PDZD2: variants seen among roughly 807,000 people sequenced by gnomAD.
PDZD2 encodes PDZ domain-containing protein 2.
PDZD2 carries 90 observed loss-of-function variants against 220.7 expected under a neutral mutation model. That is an observed-to-expected ratio of 0.41 (90% CI 0.34 to 0.49). PDZD2 has a LOEUF of 0.49. PDZD2 is among the 20% of genes least tolerant of loss of function. PDZD2 has a pLI of 0.28. For missense variants in PDZD2, 3,174 were observed against 3,608.5 expected, an observed-to-expected ratio of 0.88 and a Z score of 3.08; for synonymous variants, 1,375 against 1,450.5, an observed-to-expected ratio of 0.95 and a Z score of 1.18.
At chr5:31,858,355 A>T (rs542480323) in intron 2 of PDZD2, among the ~76,000 whole-genome samples, 32 of 152,280 alleles carry the variant, frequency 2.1e-4, no homozygotes, top group African/African-American at 6.7e-4. Flanking sequence ...TGACTCTCGA[A>T]TTTTCTTACT....
At chr5:31,896,323 CGTGTGTGTGTGTGTGTGTGT>C (rs35229609) in intron 2 of PDZD2, among the ~76,000 whole-genome samples, 3 of 136,354 alleles carry the variant, frequency 2.2e-5, no homozygotes, top group South Asian at 2.6e-4. Flanking sequence ...TTGATACTCT[CGTGTGTGTGTGTGTGTGTGT>C]GTGTGTGTGT....
Position 32,041,146 on chromosome 5 carries a change from CGCCTCTGCCCGGCCGCCCCGTCTGGG to C in PDZD2, c.1519+3805_1519+3830del, listed in dbSNP as rs1561426714. Among the ~76,000 whole-genome samples, 88 of 144,570 alleles carry C rather than the reference CGCCTCTGCCCGGCCGCCCCGTCTGGG, an allele frequency of 6.1e-4. 4 individuals carry two copies. The highest frequency in any genetic ancestry group is 9.0e-4 in the South Asian group (4 of 4,458). The allele number at this position is 144,570 out of a possible 152,430, so 94.8% of individuals were successfully genotyped here. A position where few individuals can be genotyped will look rare whatever the true frequency, so the allele number is the denominator to read the frequency against. ...GCCGCCCCGTCTGGGAAGTGGGGAGCGCCTCTGCCCGGCCGCCCCGTCTGGGAAGTGGGGAGCGCCTCTGCCCGGCC... is the reference window on the plus strand; with the variant it reads ...GCCGCCCCGTCTGGGAAGTGGGGAGCAAGTGGGGAGCGCCTCTGCCCGGCC... On this transcript the variant is annotated intron_variant, in intron 7 of 24. Transcript: ENST00000438447.
At chr5:32,093,426 A>G (rs1295165763) in intron 21 of PDZD2, among the ~76,000 whole-genome samples, 3 of 152,166 alleles carry the variant, frequency 2.0e-5, no homozygotes, top group Admixed American at 2.0e-4. Flanking sequence ...GAAGAGTTAC[A>G]TTGGTGTAGT....
In PDZD2 at chr5:32,037,196, G is replaced by A. The variant is rs759802927; in HGVS notation, c.1408-35G>A. 23 of 1,348,914 alleles carry A rather than the reference G, an allele frequency of 1.7e-5. No homozygotes were observed. In the South Asian group the frequency reaches 2.3e-4, roughly 14 times the overall value. 83.6% of individuals were successfully genotyped at this position (1,348,914 alleles called of 1,614,324 possible). On this transcript the variant is annotated intron_variant, in intron 6 of 24. Coordinates refer to ENST00000438447, the MANE Select transcript of PDZD2 (RefSeq NM_178140.4). ...ACAGCATAAGTCATCGCAGGGCTGG[G>A]CTCTCCCATCAGCTCTGTGCTTTCT...
chr5:32,096,611 G>A (rs971833868), intron 21 of PDZD2, among the ~76,000 whole-genome samples: 9 of 152,112 alleles, frequency 5.9e-5, no homozygotes, highest in African/African-American at 9.7e-5. Flanking sequence ...GAGCCACTGC[G>A]CCTAGCCATG....
At chr5:32,096,211 C>G (rs1209314473) in intron 21 of PDZD2, among the ~76,000 whole-genome samples, 1 of 152,188 alleles carries the variant, frequency 6.6e-6, no homozygotes, top group Non-Finnish European at 1.5e-5. Flanking sequence ...ACCTCTTTCT[C>G]CCCATCAATC....
chr5:32,081,506 G>A (rs1485998674), intron 19 of PDZD2, among the ~76,000 whole-genome samples: 1 of 152,198 alleles, frequency 6.6e-6, no homozygotes, highest in Non-Finnish European at 1.5e-5. Context: ...CTTTTGGGGT[G>A]TATCTGAAAT....
At chr5:31,887,390 C>T (rs886405022) in intron 2 of PDZD2, among the ~76,000 whole-genome samples, 4 of 152,122 alleles carry the variant, frequency 2.6e-5, no homozygotes, top group African/African-American at 9.7e-5. Flanking sequence ...TCTGGAAGGA[C>T]TTTGGGTGTC....
chr5:31,787,245 A>G (rs990734721), intron 1 of PDZD2, among the ~76,000 whole-genome samples: 4 of 152,238 alleles, frequency 2.6e-5, no homozygotes, highest in Admixed American at 1.3e-4. Flanking sequence ...CATTGTACAA[A>G]TATGCACATT....
intron 1 of PDZD2, among the ~76,000 whole-genome samples, chr5:31,789,634 A>G (rs932548540): frequency 1.3e-5 from 2 of 152,244 alleles, no homozygotes; most frequent in African/African-American, 4.8e-5. Flanking sequence ...AATAAGTACA[A>G]TAAAAACTTC....
At chr5:31,973,669 ATATC>A (rs72431416) in intron 2 of PDZD2, among the ~76,000 whole-genome samples, 1,746 of 152,308 alleles carry the variant, frequency 0.011, 28 homozygotes, top group African/African-American at 0.039. Flanking sequence ...ATAGAGTAAA[ATATC>A]TATCTCTTTC....
intron 2 of PDZD2, among the ~76,000 whole-genome samples, chr5:31,943,025 A>G (rs1489188898): frequency 6.6e-6 from 1 of 152,196 alleles, no homozygotes; most frequent in Non-Finnish European, 1.5e-5. Flanking sequence ...CAACATGGTG[A>G]AATCCCGTCT....
chr5:31,658,495 A>G (rs1745636937), intron 1 of PDZD2, among the ~76,000 whole-genome samples: 1 of 152,126 alleles, frequency 6.6e-6, no homozygotes, highest in Non-Finnish European at 1.5e-5. Context: ...TTCTGCCGTT[A>G]ACCTCTCTGT....
chr5:31,764,799 G>C (rs909128166), intron 1 of PDZD2, among the ~76,000 whole-genome samples: 1 of 152,162 alleles, frequency 6.6e-6, no homozygotes, highest in Non-Finnish European at 1.5e-5. Flanking sequence ...CAAAGGGGCC[G>C]GGCACAGTGG....
chr5:31,787,568 T>C (rs1399185162), intron 1 of PDZD2: 1 of 152,208 alleles, frequency 6.6e-6, no homozygotes, highest in Non-Finnish European at 1.5e-5. Context: ...TAATAGAGTC[T>C]CAAAATAGCT....
chr5:31,662,230 G>A (rs561435476), intron 1 of PDZD2, among the ~76,000 whole-genome samples: 57 of 152,266 alleles, frequency 3.7e-4, no homozygotes, highest in African/African-American at 1.3e-3. Context: ...AGAATCACTT[G>A]AACCCGGGAG....
At chr5:31,843,473 G>T (rs563405000) in intron 2 of PDZD2, 32 of 152,130 alleles carry the variant, frequency 2.1e-4, no homozygotes, top group African/African-American at 6.5e-4. Context: ...CACCATGTTG[G>T]CCAGGCTGGT....
At chr5:31,877,096 G>A in intron 2 of PDZD2, among the ~76,000 whole-genome samples, 1 of 152,198 alleles carries the variant, frequency 6.6e-6, no homozygotes, top group East Asian at 1.9e-4. Context: ...AATGATGATT[G>A]TTACTCTATA....
chr5:31,899,119 G>T (rs969146801), intron 2 of PDZD2, among the ~76,000 whole-genome samples: 4 of 150,868 alleles, frequency 2.7e-5, no homozygotes, highest in African/African-American at 9.7e-5. Context: ...GAACCACCGC[G>T]CCTGGCCTCT....
Sources: gnomAD v4.1 joint callset for allele counts (sites outside exome capture counted in the v4.1 genomes callset) on GRCh38, gnomAD v4.1.1 for gene constraint, MANE v1.5 for transcripts, NCBI Gene and HGNC (gene_info 2026-07-23, HGNC 2026-07-21) for gene names.